GPM6A: variants seen among roughly 807,000 people sequenced by gnomAD.
GPM6A encodes glycoprotein M6A, also known as neuronal membrane glycoprotein M6-a.
In GPM6A, 7 loss-of-function variants were observed where a neutral mutation model predicts 32.1. That is an observed-to-expected ratio of 0.22 (90% CI 0.12 to 0.41). GPM6A has a LOEUF of 0.41. GPM6A is among the 10% of genes least tolerant of loss of function. The probability of loss-of-function intolerance (pLI) is 1.00; values close to 1 mark genes in which losing one functional copy is unlikely to be tolerated. For missense variants in GPM6A, 235 were observed against 347.2 expected, an observed-to-expected ratio of 0.68 and a Z score of 2.57; for synonymous variants, 130 against 123.4, an observed-to-expected ratio of 1.05 and a Z score of -0.35.
chr4:175,972,252 TAAG>T (rs1267406847), intron 1 of GPM6A, among the ~76,000 whole-genome samples: 5 of 152,228 alleles, frequency 3.3e-5, no homozygotes, highest in African/African-American at 4.8e-5. Flanking sequence ...TATATACATT[TAAG>T]AAGAATACAA....
intron 1 of GPM6A, among the ~76,000 whole-genome samples, chr4:175,809,710 T>C (rs186771632): frequency 5.9e-5 from 9 of 152,336 alleles, no homozygotes. Flanking sequence ...CTATTCTCAA[T>C]TGTCTTTTAA....
intron 1 of GPM6A, among the ~76,000 whole-genome samples, chr4:175,716,146 T>G (rs762402724): frequency 2.0e-5 from 3 of 152,236 alleles, no homozygotes; most frequent in Non-Finnish European, 2.9e-5. Context: ...GGTGCTCAGT[T>G]AATATTTGTT....
intron 1 of GPM6A, among the ~76,000 whole-genome samples, chr4:175,847,952 T>G (rs1177669663): frequency 6.6e-6 from 1 of 152,206 alleles, no homozygotes; most frequent in South Asian, 2.1e-4. Flanking sequence ...GGTCTTGGAA[T>G]GTATCCCCAC....
intron 1 of GPM6A, among the ~76,000 whole-genome samples, chr4:175,905,036 C>T (rs1738086526): frequency 1.3e-5 from 2 of 151,360 alleles, no homozygotes; most frequent in Admixed American, 6.6e-5. Flanking sequence ...TGAAGTCCTT[C>T]ATAGAAAAAA....
intron 1 of GPM6A, among the ~76,000 whole-genome samples, chr4:175,992,652 C>T (rs1741187916): frequency 6.6e-6 from 1 of 152,122 alleles, no homozygotes; most frequent in South Asian, 2.1e-4. Context: ...ATTATTTAAG[C>T]ACAATATGCT....
At chr4:175,656,534 A>G (rs1355506392) in intron 3 of GPM6A, among the ~76,000 whole-genome samples, 1 of 152,166 alleles carries the variant, frequency 6.6e-6, no homozygotes, top group Non-Finnish European at 1.5e-5. Flanking sequence ...TATTCTAATC[A>G]CTTTTAGAAA....
At chr4:175,854,943 G>A (rs966625105) in intron 1 of GPM6A, among the ~76,000 whole-genome samples, 3 of 152,176 alleles carry the variant, frequency 2.0e-5, no homozygotes, top group Non-Finnish European at 4.4e-5. Flanking sequence ...AGTAAGGGTA[G>A]AACATCTCAT....
At chr4:175,684,260 C>T (rs1479641878) in intron 2 of GPM6A, among the ~76,000 whole-genome samples, 1 of 152,078 alleles carries the variant, frequency 6.6e-6, no homozygotes, top group Non-Finnish European at 1.5e-5. Flanking sequence ...TTTGGCTTTG[C>T]TTATGGCATT....
chr4:175,860,063 T>A, intron 1 of GPM6A, among the ~76,000 whole-genome samples: 1 of 151,966 alleles, frequency 6.6e-6, no homozygotes, highest in East Asian at 1.9e-4. Flanking sequence ...TAGAGGGAAA[T>A]TTCTAACTTT....
intron 2 of GPM6A, among the ~76,000 whole-genome samples, chr4:175,696,091 A>G (rs1032516037): frequency 2.6e-5 from 4 of 152,186 alleles, no homozygotes; most frequent in South Asian, 2.1e-4. Context: ...TGTCATTATT[A>G]TCATAACCAC....
In GPM6A at chr4:175,637,296, ATT is replaced by A. The variant is rs1740742382; in HGVS notation, c.685-2241_685-2240del. Among the ~76,000 whole-genome samples the A allele has an allele frequency of 1.5e-4, 9 of 58,920 alleles. 1 individual carries two copies. In the Admixed American group the frequency reaches 1.7e-3, roughly 11 times the overall value. 38.7% of individuals were successfully genotyped at this position (58,920 alleles called of 152,430 possible). A position where few individuals can be genotyped will look rare whatever the true frequency, so the allele number is the denominator to read the frequency against. On this transcript the variant is annotated intron_variant, in intron 6 of 6. Transcript: ENST00000393658. ...ATATTATATATTATATAAAATATAT[ATT>A]ATATATTATATATAATATAAAATAT...
chr4:175,742,204 A>C (rs1287646501), intron 1 of GPM6A, among the ~76,000 whole-genome samples: 1 of 152,254 alleles, frequency 6.6e-6, no homozygotes, highest in East Asian at 1.9e-4. Context: ...TGGGACAGGA[A>C]GTCTATTCTG....
At chr4:175,793,768 G>T (rs1176813300) in intron 1 of GPM6A, among the ~76,000 whole-genome samples, 1 of 152,114 alleles carries the variant, frequency 6.6e-6, no homozygotes, top group African/African-American at 2.4e-5. Context: ...ATTTCCCATT[G>T]TTTATGATAA....
chr4:175,694,293 A>G (rs951370655), intron 2 of GPM6A, among the ~76,000 whole-genome samples: 1 of 152,206 alleles, frequency 6.6e-6, no homozygotes, highest in Non-Finnish European at 1.5e-5. Flanking sequence ...AGAGCCTGTA[A>G]CAGTTTGGAG....
intron 1 of GPM6A, among the ~76,000 whole-genome samples, chr4:175,829,666 C>T (rs1579547910): frequency 7.2e-6 from 1 of 138,644 alleles, no homozygotes; most frequent in African/African-American, 2.6e-5. Flanking sequence ...TATATATATA[C>T]ATATAAAACA....
rs188409437 is a variant in GPM6A at position 175,715,693 on chromosome 4, C to A, written c.38-13926G>T. Among the ~76,000 whole-genome samples, 206 of 151,842 alleles carry A rather than the reference C, an allele frequency of 1.4e-3. 1 individual carries two copies. Among genetic ancestry groups the A allele is most frequent in the African/African-American group, 4.6e-3 (192 of 41,394 alleles). On this transcript the variant is annotated intron_variant, in intron 1 of 6. Coordinates refer to ENST00000393658, the MANE Select transcript of GPM6A (RefSeq NM_201591.3). ...TTTTTCCATAACACTTATCACCATG[C>A]AATGTACTGTTTATCTTACTATTGA...
intron 1 of GPM6A, among the ~76,000 whole-genome samples, chr4:175,916,004 G>C (rs1289537188): frequency 2.0e-5 from 3 of 152,186 alleles, no homozygotes; most frequent in Non-Finnish European, 4.4e-5. Context: ...GATGTGTCAT[G>C]CTCACCATTC....
intron 1 of GPM6A, among the ~76,000 whole-genome samples, chr4:175,931,671 TACACAC>T (rs376901123): frequency 0.011 from 1,458 of 136,520 alleles, 18 homozygotes; most frequent in South Asian, 0.035. Flanking sequence ...TTAAAAAATA[TACACAC>T]ACACACACAC....
At chr4:175,826,732 T>A (rs111405690) in intron 1 of GPM6A, among the ~76,000 whole-genome samples, 61 of 152,278 alleles carry the variant, frequency 4.0e-4, no homozygotes, top group Admixed American at 1.0e-3. Context: ...CTTCCTGAGT[T>A]TTTTATTAAT....
Sources: allele counts gnomAD v4.1 joint callset (sites outside exome capture counted in the v4.1 genomes callset), GRCh38; gene constraint gnomAD v4.1.1; transcripts MANE v1.5; gene names NCBI Gene and HGNC (gene_info 2026-07-23, HGNC 2026-07-21).